The following SNAPC4 variants were observed in gnomAD, a reference collection of about 807,000 sequenced individuals.
The protein encoded by SNAPC4 is snRNA-activating protein complex subunit 4.
SNAPC4 carries 127 observed loss-of-function variants against 151.3 expected under a neutral mutation model. That is an observed-to-expected ratio of 0.84 (90% CI 0.73 to 0.97). The LOEUF is 0.97. Among genes scored for constraint, SNAPC4 ranks in the 50% least tolerant of loss-of-function variants. The pLI, the probability that SNAPC4 is intolerant of heterozygous loss-of-function variation, is 0.00. For synonymous variants in SNAPC4, 1,002 were observed against 824.4 expected (o/e 1.22, Z -3.69); for missense variants, 2,186 against 1,935.0 (o/e 1.13, Z -2.43).
At position 136,395,752 on chromosome 9, in the gene SNAPC4, C is replaced by T. The variant is rs73565183; in HGVS notation, c.196G>A (p.Glu66Lys). ...PPISEEERWG[E>K]ASNDEDDPKD... ...GGATCGTCCTCGTCATTGCTGGCTTCGCCCCACCTTTCTTCTTCCTGGTAA... is the reference window on the plus strand; with the variant it reads ...GGATCGTCCTCGTCATTGCTGGCTTTGCCCCACCTTTCTTCTTCCTGGTAA... The change falls in exon 4 of 24, where the codon GAA becomes AAA. Residue 66 changes from glutamate to lysine, a missense_variant. Glu to Lys is a moderately conservative substitution (Grantham distance 56). Transcript: ENST00000684778. The T allele has an allele frequency of 1.8e-4, 294 of 1,612,692 alleles. 2 individuals are homozygous for T. The African/African-American group carries it at 3.3e-3, about 18-fold the overall frequency.
chr9:136,397,233 A>G (rs1834305165), intron 2 of SNAPC4, among the ~76,000 whole-genome samples: 1 of 152,152 alleles, frequency 6.6e-6, no homozygotes, highest in Non-Finnish European at 1.5e-5. Flanking sequence ...AACTCTGACC[A>G]CACACTGGGG....
In SNAPC4 at chr9:136,377,529, G is replaced by A. The variant is rs773236762; in HGVS notation, c.4284+14C>T. ...CGCCTGCCATGGGGAAGTGGGGCTG[G>A]GCGCCCACCCTACCTGAATGGGGCA... On this transcript the variant is annotated intron_variant, in intron 22 of 23. Coordinates refer to ENST00000684778, the MANE Select transcript of SNAPC4 (RefSeq NM_003086.4). 2 of 1,502,396 alleles carry A rather than the reference G, an allele frequency of 1.3e-6. No individual in the cohort carries two copies. Among genetic ancestry groups the A allele is most frequent in the East Asian group, 2.3e-5 (1 of 43,444 alleles). 93.1% of individuals were successfully genotyped at this position (1,502,396 alleles called of 1,614,324 possible). A position where few individuals can be genotyped will look rare whatever the true frequency, so the allele number is the denominator to read the frequency against.
intron 2 of SNAPC4, 51 bp downstream of exon 2, chr9:136,398,248 A>C: frequency 6.4e-7 from 1 of 1,567,938 alleles, no homozygotes; most frequent in Non-Finnish European, 8.7e-7. Context: ...CCCAGGAGGC[A>C]GACCAGCTGT....
intron 4 of SNAPC4, 79 bp from the exon 5 acceptor site, chr9:136,395,502 G>A (rs1469732905): frequency 2.5e-6 from 4 of 1,572,936 alleles, no homozygotes; most frequent in Admixed American, 1.8e-5. Flanking sequence ...CGGGGCAGAG[G>A]AGAGGCAGGG....
At chr9:136,376,604 G>C (rs1486849273) in intron 22 of SNAPC4, 123 bp from the exon 23 acceptor site, 3 of 1,177,520 alleles carry the variant, frequency 2.5e-6, no homozygotes, top group Non-Finnish European at 3.7e-6. Context: ...GGCACCCTCA[G>C]CTCAGGCGGG....
At chr9:136,388,378 A>T (rs985299116) in intron 11 of SNAPC4, 66 bp downstream of exon 11, 1 of 1,533,482 alleles carries the variant, frequency 6.5e-7, no homozygotes, top group Non-Finnish European at 8.9e-7. Flanking sequence ...TTTCCCTGCA[A>T]GTCTCCAGTG....
chr9:136,396,920 T>C, intron 3 of SNAPC4, 57 bp downstream of exon 3: 2 of 1,439,438 alleles, frequency 1.4e-6, no homozygotes, highest in Non-Finnish European at 2.0e-6. Context: ...CCAGGCTACT[T>C]TGGAAGGTGG....
At position 136,395,313 on chromosome 9, in the gene SNAPC4, G is replaced by C; in HGVS notation, c.456C>G (p.Asp152Glu). 6.2e-7 allele frequency: 1 copy of C among 1,613,540 alleles called. No individual in the cohort carries two copies. Among genetic ancestry groups the C allele is most frequent in the Admixed American group, 1.7e-5 (1 of 60,008 alleles). The change falls in exon 5 of 24, where the codon GAC becomes GAG. Residue 152 changes from aspartate to glutamate, a missense_variant. Asp to Glu is a conservative substitution (Grantham distance 45). Transcript: ENST00000684778. ...MGHFMKPYFK[D>E]KVTGVGPPAN... is the part of the protein sequence containing the mutation. ...GGCCACTCACCACGCCCGTGACCTT[G>C]TCCTTGAAATACGGCTTCATGAAGT...
In SNAPC4 at chr9:136,377,795, C is replaced by G. The variant is rs779101729; in HGVS notation, c.4032G>C (p.Leu1344=). The change falls in exon 22 of 24, where the codon CTG becomes CTC. Residue 1344 remains leucine, a synonymous_variant. Coordinates refer to ENST00000684778, the MANE Select transcript of SNAPC4 (RefSeq NM_003086.4). ...CCCGCACCAGCCCCAGTGAGGCTTG[C>G]AGTGCTCCGGCCGGCCGCTCAGCCT... The part of the protein sequence containing the change: ...GGEAERPAGA[L]QASLGLVRGQ... 1.2e-6 allele frequency: 2 copies of G among 1,611,710 alleles called. No individual in the cohort carries two copies. Among genetic ancestry groups the G allele is most frequent in the Non-Finnish European group, 1.7e-6 (2 of 1,179,696 alleles).
In SNAPC4 at chr9:136,395,639, C is replaced by G. The variant is rs775780115; in HGVS notation, c.309G>C (p.Glu103Asp). 11 of 1,612,796 alleles carry G rather than the reference C, an allele frequency of 6.8e-6. No homozygotes were observed. In the South Asian group the frequency reaches 9.9e-5, roughly 14 times the overall value. Reference sequence around the variant, plus strand: ...GGTTCTGGGCCAGCAGCAGGTTGGCCTCAGCCAGCTTCTCCTGGATGACCT... The same window carrying G: ...GGTTCTGGGCCAGCAGCAGGTTGGCGTCAGCCAGCTTCTCCTGGATGACCT... ...YQEVIQEKLA[E>D]ANLLLAQNRE... Residue 103 changes from glutamate (E) to aspartate (D), a missense_variant, in exon 4 of 24, where the codon GAG becomes GAC. Glu to Asp is a conservative substitution (Grantham distance 45). Transcript: ENST00000684778.
chr9:136,377,149 AAC>A (rs1404657685), intron 22 of SNAPC4, among the ~76,000 whole-genome samples: 1 of 151,938 alleles, frequency 6.6e-6, no homozygotes, highest in Non-Finnish European at 1.5e-5. Flanking sequence ...TCCAGAGACA[AAC>A]ACAGCCACCA....
At chr9:136,395,184 C>T in intron 5 of SNAPC4, 114 bp downstream of exon 5, 2 of 1,369,336 alleles carry the variant, frequency 1.5e-6, no homozygotes, top group Non-Finnish European at 2.0e-6. Flanking sequence ...GGAGGTTGGC[C>T]AATGTTATCT....
chr9:136,384,244 T>C (rs1833813394), intron 14 of SNAPC4, among the ~76,000 whole-genome samples: 1 of 152,078 alleles, frequency 6.6e-6, no homozygotes. Flanking sequence ...CTGCCAAACA[T>C]GTAACTGAGA....
In SNAPC4 at chr9:136,378,582, G is replaced by T; in HGVS notation, c.3245C>A (p.Ala1082Asp). Residue 1082 changes from alanine (A) to aspartate (D), a missense_variant, in exon 22 of 24, where the codon GCC becomes GAC. Coordinates refer to ENST00000684778, the MANE Select transcript of SNAPC4 (RefSeq NM_003086.4). ...VPLPVTWVLT[A>D]QGLLPVPVPA... is the part of the protein sequence containing the mutation. The stretch of plus-strand genomic sequence containing the variant: ...TACAGGAACAGGGAGAAGCCCCTGG[G>T]CTGTGAGCACCCAGGTGACAGGCAG... The T allele has an allele frequency of 6.3e-7, 1 of 1,587,192 alleles. No individual in the cohort carries two copies. Among genetic ancestry groups the T allele is most frequent in the Non-Finnish European group, 8.6e-7 (1 of 1,169,528 alleles).
Position 136,392,662 on chromosome 9 carries a change from G to GC in SNAPC4, c.737+10dup, listed in dbSNP as rs746142607. 4.3e-6 allele frequency: 7 copies of GC among 1,613,090 alleles called. No homozygotes were observed. Among genetic ancestry groups the GC allele is most frequent in the Admixed American group, 1.7e-5 (1 of 60,012 alleles). On this transcript the variant is annotated intron_variant, in intron 8 of 23. Coordinates refer to ENST00000684778, the MANE Select transcript of SNAPC4 (RefSeq NM_003086.4). ...GGGCTCCCCTGGGCCCTCCCGGGAGGCCCCCCTCACTTGATGTCCTGGATC... is the reference window on the plus strand; with the variant it reads ...GGGCTCCCCTGGGCCCTCCCGGGAGGCCCCCCCTCACTTGATGTCCTGGATC...
Position 136,377,637 on chromosome 9 carries a change from C to T in SNAPC4, c.4190G>A (p.Gly1397Asp). The T allele has an allele frequency of 6.3e-7, 1 of 1,584,592 alleles. No homozygotes were observed. Among genetic ancestry groups the T allele is most frequent in the Non-Finnish European group, 8.6e-7 (1 of 1,163,802 alleles). Reference sequence around the variant, plus strand: ...GAGGTCTTCATCCTCACTCTCAGAGCCCACCCTCGAAGGTACTGAGAGGGT... The same window carrying T: ...GAGGTCTTCATCCTCACTCTCAGAGTCCACCCTCGAAGGTACTGAGAGGGT... Reference protein sequence around the residue: ...RTTLSVPSRVGSESEDEDLLS... With the variant: ...RTTLSVPSRVDSESEDEDLLS... Residue 1397 changes from glycine (G) to aspartate (D), a missense_variant, in exon 22 of 24, where the codon GGC becomes GAC. Coordinates refer to ENST00000684778, the MANE Select transcript of SNAPC4 (RefSeq NM_003086.4).
rs148802294 is a variant in SNAPC4, at chr9:136,378,291, T to A, written c.3536A>T (p.Gln1179Leu). The change falls in exon 22 of 24, where the codon CAG (glutamine) becomes CTG (leucine). Residue 1179 changes from glutamine to leucine, a missense_variant. Physicochemically the swap from Gln to Leu is moderately radical, Grantham distance 113. Transcript: ENST00000684778. Reference sequence around the variant, plus strand: ...GGGCTCAGGTATCTCCCTGGCCACCTGGGCCTCTCCAGGGACAAAGGCCAC... The same window carrying A: ...GGGCTCAGGTATCTCCCTGGCCACCAGGGCCTCTCCAGGGACAAAGGCCAC... ...GSVAFVPGEA[Q>L]VAREIPEPRT... The A allele has an allele frequency of 6.2e-7, 1 of 1,604,660 alleles. No individual in the cohort carries two copies. The highest frequency in any genetic ancestry group is 8.5e-7 in the Non-Finnish European group (1 of 1,176,216).
At chr9:136,385,567 G>A (rs12376361) in intron 13 of SNAPC4, among the ~76,000 whole-genome samples, 1 of 92,100 alleles carries the variant, frequency 1.1e-5, no homozygotes, top group African/African-American at 3.7e-5. Context: ...CCCCCCTTTT[G>A]TTTTTTTTGA....
chr9:136,378,376 C>CGA lies in SNAPC4; in HGVS notation c.3450_3451insTC (p.Asp1151SerfsTer257). ...GCGTGTGTGGGAGGAGCTGGGGTGT[C>CGA]TGTCCTGCAGGAAGGCTCCGGTTCC... On this transcript the variant is annotated frameshift_variant, in exon 22 of 24. Transcript: ENST00000684778. LOFTEE classifies it high-confidence loss of function. The CGA allele has an allele frequency of 6.2e-7, 1 of 1,611,284 alleles. No homozygotes were observed. The highest frequency in any genetic ancestry group is 1.1e-5 in the South Asian group (1 of 90,748).
Sources: gnomAD v4.1 joint callset for allele counts (sites outside exome capture counted in the v4.1 genomes callset) on GRCh38, gnomAD v4.1.1 for gene constraint, MANE v1.5 for transcripts, NCBI Gene and HGNC (gene_info 2026-07-23, HGNC 2026-07-21) for gene names.